SFXN2: variants seen among roughly 807,000 people sequenced by gnomAD.
The protein encoded by SFXN2 is sideroflexin-2.
A neutral mutation model predicts 41.9 loss-of-function variants in SFXN2; 37 were observed. That is an observed-to-expected ratio of 0.88 (90% CI 0.68 to 1.16). SFXN2 has a LOEUF of 1.16. Ranked by LOEUF, SFXN2 falls within the 50% of genes most tolerant of loss-of-function variation. The pLI is 0.00. For synonymous variants in SFXN2, 150 were observed against 156.7 expected, an observed-to-expected ratio of 0.96 and a Z score of 0.32; for missense variants, 386 against 425.2, an observed-to-expected ratio of 0.91 and a Z score of 0.81.
chr10:102,742,460 C>CTTTTT lies in SFXN2; in HGVS notation c.*4707_*4711dup. Reference sequence around the variant, plus strand: ...ACAGGCAGGAGCCACCGCACCTGGCCTTTTTTTTTTTTTGAGACAGGGTCT... The same window carrying CTTTTT: ...ACAGGCAGGAGCCACCGCACCTGGCCTTTTTTTTTTTTTTTTTTGAGACAGGGTCT... On this transcript the variant is annotated 3_prime_UTR_variant, in exon 12 of 12. Coordinates refer to ENST00000369893, the MANE Select transcript of SFXN2 (RefSeq NM_178858.6). The CTTTTT allele has an allele frequency of 7.2e-6, 1 of 138,948 alleles. No homozygotes were observed. Among genetic ancestry groups the CTTTTT allele is most frequent in the African/African-American group, 2.7e-5 (1 of 37,510 alleles). The allele number at this position is 138,948 out of a possible 1,614,324, so 8.6% of individuals were successfully genotyped here.
chr10:102,720,120 G>C (rs2064485235), intron 1 of SFXN2, among the ~76,000 whole-genome samples: 1 of 151,696 alleles, frequency 6.6e-6, no homozygotes, highest in South Asian at 2.1e-4. Context: ...GTGAAACCGC[G>C]TCTCTACTAA....
intron 5 of SFXN2, 52 bp downstream of exon 5, chr10:102,729,446 C>T (rs2064666780): frequency 6.3e-7 from 1 of 1,592,826 alleles, no homozygotes; most frequent in Non-Finnish European, 8.6e-7. Flanking sequence ...CAGCAGAGTC[C>T]TAGGGAAAAC....
At chr10:102,737,369 C>T (rs1022418902) in intron 11 of SFXN2, among the ~76,000 whole-genome samples, 3 of 152,102 alleles carry the variant, frequency 2.0e-5, no homozygotes, top group African/African-American at 7.2e-5. Flanking sequence ...CCAGTCTCCC[C>T]TTCCTCAGTA....
rs1842768951 is a variant in SFXN2, at chr10:102,740,419, C to T, written c.*2657C>T. ...ATTTGATTTTTTTGATGAGGTCTCA[C>T]TATGTTGCCCCAGGCTGGTCTCGAA... is the stretch of plus-strand genomic sequence containing the variant. On this transcript the variant is annotated 3_prime_UTR_variant, in exon 12 of 12. Transcript: ENST00000369893. 6.6e-6 allele frequency: 1 copy of T among 152,208 alleles called. No individual in the cohort carries two copies. Among genetic ancestry groups the T allele is most frequent in the South Asian group, 2.1e-4 (1 of 4,836 alleles). 9.4% of individuals were successfully genotyped at this position (152,208 alleles called of 1,614,324 possible). A position where few individuals can be genotyped will look rare whatever the true frequency, so the allele number is the denominator to read the frequency against.
intron 9 of SFXN2, 115 bp from the exon 10 acceptor site, chr10:102,733,439 C>T (rs929318449): frequency 3.1e-5 from 25 of 800,446 alleles, no homozygotes; most frequent in South Asian, 4.7e-5. Flanking sequence ...TGAGCCACTG[C>T]GCCCAGCCAC....
In SFXN2 at chr10:102,742,479, A is replaced by G; in HGVS notation, c.*4717A>G. 6.6e-6 allele frequency: 1 copy of G among 151,014 alleles called. No individual in the cohort carries two copies. Among genetic ancestry groups the G allele is most frequent in the Non-Finnish European group, 1.5e-5 (1 of 68,428 alleles). 9.4% of individuals were successfully genotyped at this position (151,014 alleles called of 1,614,324 possible). ...CCTGGCCTTTTTTTTTTTTTGAGACAGGGTCTCACTCTGTTGCCCAGGCTG... is the reference window on the plus strand; with the variant it reads ...CCTGGCCTTTTTTTTTTTTTGAGACGGGGTCTCACTCTGTTGCCCAGGCTG... On this transcript the variant is annotated 3_prime_UTR_variant, in exon 12 of 12. Transcript: ENST00000369893.
intron 1 of SFXN2, among the ~76,000 whole-genome samples, chr10:102,715,781 CA>C (rs1384288135): frequency 6.6e-6 from 1 of 151,310 alleles, no homozygotes; most frequent in African/African-American, 2.4e-5. Context: ...CCTGCCTCTA[CA>C]AAAAAAAATT....
At chr10:102,726,369 C>T in intron 1 of SFXN2, 1 of 474,050 alleles carries the variant, frequency 2.1e-6, no homozygotes, top group African/African-American at 2.0e-5. Context: ...CTGTATTGTC[C>T]CCTTTTCCAG....
At position 102,741,949 on chromosome 10, in the gene SFXN2, A is replaced by G. The variant is rs556955021; in HGVS notation, c.*4187A>G. 11 of 152,328 alleles carry G rather than the reference A, an allele frequency of 7.2e-5. No homozygotes were observed. Among genetic ancestry groups the G allele is most frequent in the African/African-American group, 1.4e-4 (6 of 41,564 alleles). The allele number at this position is 152,328 out of a possible 1,614,324, so 9.4% of individuals were successfully genotyped here. A position where few individuals can be genotyped will look rare whatever the true frequency, so the allele number is the denominator to read the frequency against. On this transcript the variant is annotated 3_prime_UTR_variant, in exon 12 of 12. Coordinates refer to ENST00000369893, the MANE Select transcript of SFXN2 (RefSeq NM_178858.6). ...GCAGGATCAAGATAAAGGCAGAACTATGGACTTTCTTAAGCTGAGGGAAGA... is the reference window on the plus strand; with the variant it reads ...GCAGGATCAAGATAAAGGCAGAACTGTGGACTTTCTTAAGCTGAGGGAAGA...
Position 102,726,724 on chromosome 10 carries a change from A to G in SFXN2, c.88A>G (p.Ile30Val), listed in dbSNP as rs1462890079. ...GGGGAGAGTGAAGCACTTCCTAAAC[A>G]TCACGGACCCCCGCACTGTCTTTGT... ...FLGRVKHFLN[I>V]TDPRTVFVSE... The change falls in exon 2 of 12, where the codon ATC becomes GTC. Residue 30 changes from isoleucine to valine, a missense_variant. Physicochemically the swap from Ile to Val is conservative, Grantham distance 29. Coordinates refer to ENST00000369893, the MANE Select transcript of SFXN2 (RefSeq NM_178858.6). The G allele has an allele frequency of 4.0e-5, 65 of 1,614,128 alleles. No homozygotes were observed. Among genetic ancestry groups the G allele is most frequent in the Non-Finnish European group, 5.5e-5 (65 of 1,180,012 alleles).
intron 1 of SFXN2, among the ~76,000 whole-genome samples, chr10:102,721,710 C>A (rs1431067267): frequency 6.6e-6 from 1 of 151,074 alleles, no homozygotes; most frequent in African/African-American, 2.4e-5. Flanking sequence ...TGTGTCATAG[C>A]CAGGTGCAGT....
chr10:102,729,948 A>G, intron 6 of SFXN2, 140 bp downstream of exon 6: 1 of 891,548 alleles, frequency 1.1e-6, no homozygotes, highest in Non-Finnish European at 1.7e-6. Flanking sequence ...GGGCCCTGGG[A>G]TTGGCAGCTC....
chr10:102,717,932 C>T (rs184852580), intron 1 of SFXN2, among the ~76,000 whole-genome samples: 2 of 152,276 alleles, frequency 1.3e-5, no homozygotes. Context: ...ATCACAAACG[C>T]CCAGCATGCT....
chr10:102,718,416 T>C (rs932976772), intron 1 of SFXN2, among the ~76,000 whole-genome samples: 2 of 152,246 alleles, frequency 1.3e-5, no homozygotes, highest in Non-Finnish European at 2.9e-5. Context: ...TCCTTTTAGG[T>C]TCATGTAGAG....
intron 1 of SFXN2, among the ~76,000 whole-genome samples, chr10:102,723,548 G>A (rs114419243): frequency 0.012 from 1,833 of 152,252 alleles, 31 homozygotes; most frequent in African/African-American, 0.041. Flanking sequence ...CACTGCGCCT[G>A]GCCCCAACTA....
At chr10:102,720,388 T>A (rs546863484) in intron 1 of SFXN2, among the ~76,000 whole-genome samples, 1 of 149,726 alleles carries the variant, frequency 6.7e-6, no homozygotes, top group Admixed American at 6.7e-5. Context: ...GGCAGGTAGA[T>A]CCCTTGAGCT....
At chr10:102,730,026 C>T (rs752796704) in intron 6 of SFXN2, among the ~76,000 whole-genome samples, 4 of 152,098 alleles carry the variant, frequency 2.6e-5, no homozygotes, top group Non-Finnish European at 4.4e-5. Flanking sequence ...CCGTGGGAGT[C>T]CTCTCCTGGG....
rs1842803893 is a variant in SFXN2 at position 102,742,725 on chromosome 10, C to T, written c.*4963C>T. On this transcript the variant is annotated 3_prime_UTR_variant, in exon 12 of 12. Transcript: ENST00000369893. ...GCTCAAGGGATCTACCTGCCTCAGC[C>T]TCCCAAAGGGCTAGGATTATAAGCA... 6.6e-6 allele frequency: 1 copy of T among 152,192 alleles called. No individual in the cohort carries two copies. Among genetic ancestry groups the T allele is most frequent in the African/African-American group, 2.4e-5 (1 of 41,432 alleles). The allele number at this position is 152,192 out of a possible 1,614,324, so 9.4% of individuals were successfully genotyped here. A position where few individuals can be genotyped will look rare whatever the true frequency, so the allele number is the denominator to read the frequency against.
intron 4 of SFXN2, 34 bp from the exon 5 acceptor site, chr10:102,729,285 G>T: frequency 6.2e-7 from 1 of 1,609,872 alleles, no homozygotes. Flanking sequence ...AGCCGGCAGG[G>T]GCCCCACTCC....
Sources: allele counts gnomAD v4.1 joint callset (sites outside exome capture counted in the v4.1 genomes callset), GRCh38; gene constraint gnomAD v4.1.1; transcripts MANE v1.5; gene names NCBI Gene and HGNC (gene_info 2026-07-23, HGNC 2026-07-21).